Variants in ARHGAP31 observed in about 807,000 individuals in gnomAD.
ARHGAP31 encodes the protein rho GTPase-activating protein 31.
A neutral mutation model predicts 113.9 loss-of-function variants in ARHGAP31; 34 were observed. The observed-to-expected ratio is 0.30, with a 90% CI of 0.23 to 0.40. ARHGAP31 has a LOEUF of 0.40. Ranked by LOEUF, ARHGAP31 falls within the 10% of genes least tolerant of loss-of-function variation. The pLI, the probability that ARHGAP31 is intolerant of heterozygous loss-of-function variation, is 1.00. For synonymous variants in ARHGAP31, 650 were observed against 684.8 expected (o/e 0.95, Z 0.79); for missense variants, 1,548 against 1,767.1 (o/e 0.88, Z 2.22).
At chr3:119,358,810 C>T (rs1307266205) in intron 1 of ARHGAP31, among the ~76,000 whole-genome samples, 1 of 152,018 alleles carries the variant, frequency 6.6e-6, no homozygotes, top group Non-Finnish European at 1.5e-5. Flanking sequence ...GAAAATAGAA[C>T]GTTGATTAGT....
At chr3:119,374,946 C>A (rs972848671) in intron 3 of ARHGAP31, among the ~76,000 whole-genome samples, 1 of 151,956 alleles carries the variant, frequency 6.6e-6, no homozygotes, top group Non-Finnish European at 1.5e-5. Flanking sequence ...GTATCTGTAA[C>A]TAAACAGGAA....
intron 6 of ARHGAP31, among the ~76,000 whole-genome samples, chr3:119,386,802 G>C (rs550534443): frequency 6.6e-6 from 1 of 152,344 alleles, no homozygotes; most frequent in African/African-American, 2.4e-5. Flanking sequence ...GTGTCCACTG[G>C]ACAGGGGGCC....
At chr3:119,342,857 G>A (rs1481103537) in intron 1 of ARHGAP31, among the ~76,000 whole-genome samples, 1 of 151,996 alleles carries the variant, frequency 6.6e-6, no homozygotes, top group African/African-American at 2.4e-5. Flanking sequence ...GCTGAGGCAG[G>A]AGAATCGCTT....
Position 119,365,327 on chromosome 3 carries a change from T to C in ARHGAP31, c.112T>C (p.Leu38=). The part of the protein sequence containing the change: ...ESSGQDVPYV[L]KSCAEFIETH... ...TTTCTTTTACATAGTTCCATACGTTTTGAAGAGCTGTGCAGAATTTATAGA... is the reference window on the plus strand; with the variant it reads ...TTTCTTTTACATAGTTCCATACGTTCTGAAGAGCTGTGCAGAATTTATAGA... The change falls in exon 2 of 12, where the codon TTG becomes CTG. Residue 38 remains leucine, a synonymous_variant. Transcript: ENST00000264245. The C allele has an allele frequency of 6.2e-7, 1 of 1,613,978 alleles. No homozygotes were observed. The highest frequency in any genetic ancestry group is 8.5e-7 in the Non-Finnish European group (1 of 1,179,962).
intron 1 of ARHGAP31, among the ~76,000 whole-genome samples, chr3:119,304,847 A>G (rs548032605): frequency 2.0e-5 from 3 of 152,166 alleles, no homozygotes; most frequent in South Asian, 2.1e-4. Context: ...CTGACCCAAG[A>G]TGGCGCTACT....
chr3:119,345,315 G>A, intron 1 of ARHGAP31, among the ~76,000 whole-genome samples: 1 of 152,128 alleles, frequency 6.6e-6, no homozygotes, highest in East Asian at 1.9e-4. Context: ...TTTTTTTAGA[G>A]ATGTGTATTT....
At chr3:119,312,347 G>A (rs2079689910) in intron 1 of ARHGAP31, among the ~76,000 whole-genome samples, 1 of 152,192 alleles carries the variant, frequency 6.6e-6, no homozygotes, top group Admixed American at 6.5e-5. Flanking sequence ...CAGTCCTGTG[G>A]ATGATAACTA....
intron 1 of ARHGAP31, among the ~76,000 whole-genome samples, chr3:119,305,437 C>T (rs2079623287): frequency 6.6e-6 from 1 of 152,194 alleles, no homozygotes; most frequent in Non-Finnish European, 1.5e-5. Flanking sequence ...CCATCTGTTT[C>T]CTGCATGCTG....
At chr3:119,402,964 C>G (rs1400709233) in intron 10 of ARHGAP31, among the ~76,000 whole-genome samples, 2 of 152,232 alleles carry the variant, frequency 1.3e-5, no homozygotes, top group African/African-American at 2.4e-5. Flanking sequence ...CTGATTGGAT[C>G]TGCCTGAGTC....
chr3:119,337,398 C>G (rs975824907), intron 1 of ARHGAP31, among the ~76,000 whole-genome samples: 1 of 152,128 alleles, frequency 6.6e-6, no homozygotes, highest in Admixed American at 6.5e-5. Flanking sequence ...AGCTGCAGAC[C>G]TTTGTGGTGA....
intron 1 of ARHGAP31, among the ~76,000 whole-genome samples, chr3:119,353,219 C>T (rs1194284116): frequency 2.0e-5 from 3 of 152,310 alleles, no homozygotes; most frequent in East Asian, 3.9e-4. Flanking sequence ...CACTCCCCAA[C>T]GTGGTCCCTC....
At chr3:119,321,969 A>C (rs1576993040) in intron 1 of ARHGAP31, among the ~76,000 whole-genome samples, 1 of 152,226 alleles carries the variant, frequency 6.6e-6, no homozygotes, top group African/African-American at 2.4e-5. Flanking sequence ...AGTTTATCAT[A>C]TAAATATGCC....
Position 119,402,110 on chromosome 3 carries a change from T to G in ARHGAP31, c.1358T>G (p.Met453Arg). 6.2e-7 allele frequency: 1 copy of G among 1,614,250 alleles called. No individual in the cohort carries two copies. The highest frequency in any genetic ancestry group is 1.6e-4 in the Middle Eastern group (1 of 6,062). ...CAAACAGCCCCAAAGATGTTGGGTA[T>G]GTTCTACACTTCGAACGACAGCCCT... ...SEQTAPKMLGMFYTSNDSPSK... is the reference protein window; with the variant it reads ...SEQTAPKMLGRFYTSNDSPSK... The change falls in exon 10 of 12, where the codon ATG becomes AGG. Residue 453 changes from methionine (M) to arginine (R), a missense_variant. By Grantham distance (91) the Met-to-Arg change is moderately conservative. Transcript: ENST00000264245.
At chr3:119,383,916 G>A (rs954567586) in intron 6 of ARHGAP31, among the ~76,000 whole-genome samples, 1 of 152,140 alleles carries the variant, frequency 6.6e-6, no homozygotes, top group South Asian at 2.1e-4. Flanking sequence ...AGTGTAAATC[G>A]AAATTACCTG....
intron 8 of ARHGAP31, among the ~76,000 whole-genome samples, chr3:119,394,352 C>T (rs927959174): frequency 6.6e-6 from 1 of 152,156 alleles, no homozygotes; most frequent in Admixed American, 6.5e-5. Flanking sequence ...AGACCTGTCC[C>T]TTCTCCCCCA....
intron 10 of ARHGAP31, among the ~76,000 whole-genome samples, chr3:119,407,831 G>A (rs1009328422): frequency 1.3e-5 from 2 of 152,178 alleles, no homozygotes; most frequent in Admixed American, 6.5e-5. Context: ...CAGCAAGAAG[G>A]GGCCTTTTTA....
intron 1 of ARHGAP31, among the ~76,000 whole-genome samples, chr3:119,327,749 G>T (rs908650485): frequency 3.3e-5 from 5 of 152,160 alleles, no homozygotes; most frequent in Admixed American, 6.5e-5. Flanking sequence ...CAGGAGCAGA[G>T]AATTTTGTTT....
At chr3:119,399,291 G>T in intron 9 of ARHGAP31, 30 bp downstream of exon 9, 2 of 1,569,908 alleles carry the variant, frequency 1.3e-6, no homozygotes, top group Non-Finnish European at 1.8e-6. Flanking sequence ...TTCTGAGTTG[G>T]AGATTACAAC....
chr3:119,357,918 C>T (rs1424721810), intron 1 of ARHGAP31, among the ~76,000 whole-genome samples: 1 of 152,090 alleles, frequency 6.6e-6, no homozygotes, highest in Non-Finnish European at 1.5e-5. Flanking sequence ...AACCATTATT[C>T]CAATAACCAA....
Sources: gnomAD v4.1 joint callset for allele counts (sites outside exome capture counted in the v4.1 genomes callset) on GRCh38, gnomAD v4.1.1 for gene constraint, MANE v1.5 for transcripts, NCBI Gene and HGNC (gene_info 2026-07-23, HGNC 2026-07-21) for gene names.